Variants in PTPRN observed in about 807,000 individuals in gnomAD.
PTPRN encodes the protein receptor-type tyrosine-protein phosphatase-like N.
A neutral mutation model predicts 108.5 loss-of-function variants in PTPRN; 70 were observed. That is an observed-to-expected ratio of 0.65 (90% CI 0.53 to 0.79). PTPRN has a LOEUF of 0.79. PTPRN is among the 30% of genes least tolerant of loss of function. The pLI, the probability that PTPRN is intolerant of heterozygous loss-of-function variation, is 0.00. For missense variants in PTPRN, 1,136 were observed against 1,295.5 expected (o/e 0.88, Z 1.89); for synonymous variants, 496 against 524.6 (o/e 0.95, Z 0.75).
Position 219,294,885 on chromosome 2 carries a change from C to G in PTPRN, c.2675+90G>C, listed in dbSNP as rs948298698. On this transcript the variant is annotated intron_variant, in intron 19 of 22. Transcript: ENST00000295718. ...AGAAGTCAGAGGCCGAGGCTCCAGG[C>G]CCGACCCGGGGCTCCAGGCCGAGCG... 5 of 1,305,928 alleles carry G rather than the reference C, an allele frequency of 3.8e-6. No homozygotes were observed. The African/African-American group carries it at 4.8e-5, about 12-fold the overall frequency. 80.9% of individuals were successfully genotyped at this position (1,305,928 alleles called of 1,614,324 possible).
At chr2:219,299,502 C>A in intron 10 of PTPRN, 118 bp from the exon 11 acceptor site, 1 of 1,266,946 alleles carries the variant, frequency 7.9e-7, no homozygotes, top group East Asian at 2.4e-5. Flanking sequence ...CGGGGATGCC[C>A]TACAGGGGCA....
rs377344261 is a variant in PTPRN at position 219,308,803 on chromosome 2, G to A, written c.115+415C>T. 2.3e-5 allele frequency: 29 copies of A among 1,279,280 alleles called. No individual in the cohort carries two copies. The East Asian group carries it at 3.3e-4, about 15-fold the overall frequency. The allele number at this position is 1,279,280 out of a possible 1,614,324, so 79.2% of individuals were successfully genotyped here. A position where few individuals can be genotyped will look rare whatever the true frequency, so the allele number is the denominator to read the frequency against. ...GCTGGGACTCTATGTCTGCGGCCCAGGCTTCCACTGCCCAGAGATCACCGT... is the reference window on the plus strand; with the variant it reads ...GCTGGGACTCTATGTCTGCGGCCCAAGCTTCCACTGCCCAGAGATCACCGT... On this transcript the variant is annotated intron_variant, in intron 1 of 22. Transcript: ENST00000295718.
At chr2:219,298,566 C>T (rs746776972) in intron 12 of PTPRN, among the ~76,000 whole-genome samples, 4 of 152,090 alleles carry the variant, frequency 2.6e-5, no homozygotes, top group African/African-American at 7.2e-5. Flanking sequence ...AAAATTTAGC[C>T]GGGTGTGGTG....
In PTPRN at chr2:219,289,966, T is replaced by C. The variant is rs1574906463; in HGVS notation, c.*260A>G. The C allele has an allele frequency of 4.0e-6, 2 of 498,740 alleles. No individual in the cohort carries two copies. The highest frequency in any genetic ancestry group is 7.3e-6 in the Non-Finnish European group (2 of 273,256). The allele number at this position is 498,740 out of a possible 1,614,324, so 30.9% of individuals were successfully genotyped here. On this transcript the variant is annotated 3_prime_UTR_variant, in exon 23 of 23. Transcript: ENST00000295718. Reference sequence around the variant, plus strand: ...AATGTAGGCAGGAGAAGGCTCTGGGTAGAATTGCTACCCATGTCCTTTCCT... The same window carrying C: ...AATGTAGGCAGGAGAAGGCTCTGGGCAGAATTGCTACCCATGTCCTTTCCT...
At chr2:219,295,308 T>C (rs536360524) in intron 18 of PTPRN, 167 bp from the exon 19 acceptor site, 5 of 668,030 alleles carry the variant, frequency 7.5e-6, no homozygotes, top group African/African-American at 3.7e-5. Context: ...CTGTCACTTA[T>C]CTACTGCTCA....
Position 219,309,362 on chromosome 2 carries a change from G to A in PTPRN, c.-30C>T. The stretch of plus-strand genomic sequence containing the variant: ...CCGAGCTCCGGGCGCTCGCTCCCGG[G>A]CCGGAGCCGCAGCGACGCTGGCGGG... On this transcript the variant is annotated 5_prime_UTR_variant, in exon 1 of 23. Coordinates refer to ENST00000295718, the MANE Select transcript of PTPRN (RefSeq NM_002846.4). The A allele has an allele frequency of 4.9e-6, 6 of 1,215,550 alleles. No individual in the cohort carries two copies. The highest frequency in any genetic ancestry group is 6.6e-6 in the Non-Finnish European group (6 of 912,412). 75.3% of individuals were successfully genotyped at this position (1,215,550 alleles called of 1,614,324 possible).
rs560464089 is a variant in PTPRN, at chr2:219,299,158, C to T, written c.1604-47G>A. The T allele has an allele frequency of 1.6e-5, 26 of 1,612,184 alleles. No homozygotes were observed. In the South Asian group the frequency reaches 2.5e-4, roughly 16 times the overall value. On this transcript the variant is annotated intron_variant, in intron 11 of 22. Coordinates refer to ENST00000295718, the MANE Select transcript of PTPRN (RefSeq NM_002846.4). ...GGCTTGCTCCAGCCCCATGTGGTCT[C>T]CATCCTCTGTCTTGCTCTGCCAAGC...
chr2:219,289,933 G>A lies in PTPRN; in HGVS notation c.*293C>T. The A allele has an allele frequency of 2.5e-6, 1 of 406,812 alleles. No individual in the cohort carries two copies. The highest frequency in any genetic ancestry group is 3.0e-5 in the South Asian group (1 of 33,490). The allele number at this position is 406,812 out of a possible 1,614,324, so 25.2% of individuals were successfully genotyped here. ...CCCCAGGAGAGCTACAGGAGAGCCA[G>A]GCCAGGGAATGTAGGCAGGAGAAGG... is the stretch of plus-strand genomic sequence containing the variant. On this transcript the variant is annotated 3_prime_UTR_variant, in exon 23 of 23. Transcript: ENST00000295718.
At position 219,297,321 on chromosome 2, in the gene PTPRN, G is replaced by A; in HGVS notation, c.2000C>T (p.Ala667Val). The A allele has an allele frequency of 6.2e-7, 1 of 1,613,994 alleles. No homozygotes were observed. The highest frequency in any genetic ancestry group is 8.5e-7 in the Non-Finnish European group (1 of 1,180,034). Reference sequence around the variant, plus strand: ...GGTGCTGCTGTGGGAGCTGGGGCTGGCCTGGGCTGCGTCGCTGAACTGGGA... The same window carrying A: ...GGTGCTGCTGTGGGAGCTGGGGCTGACCTGGGCTGCGTCGCTGAACTGGGA... ...VSSQFSDAAQ[A>V]SPSSHSSTPS... The change falls in exon 14 of 23, where the codon GCC becomes GTC. Residue 667 changes from alanine to valine, a missense_variant. Ala to Val is a moderately conservative substitution (Grantham distance 64). Transcript: ENST00000295718. This position sits in a 1 kb window ranked among gnomAD's most constrained non-coding sequence, Gnocchi z 6.0.
Position 219,290,373 on chromosome 2 carries a change from T to A in PTPRN, c.2869-76A>T. 3.4e-5 allele frequency: 28 copies of A among 825,242 alleles called. No homozygotes were observed. The highest frequency in any genetic ancestry group is 4.5e-5 in the Non-Finnish European group (23 of 506,986). 51.1% of individuals were successfully genotyped at this position (825,242 alleles called of 1,614,324 possible). A position where few individuals can be genotyped will look rare whatever the true frequency, so the allele number is the denominator to read the frequency against. On this transcript the variant is annotated intron_variant, in intron 22 of 22. Coordinates refer to ENST00000295718, the MANE Select transcript of PTPRN (RefSeq NM_002846.4). The surrounding 1 kb of genome is among the most constrained non-coding windows in gnomAD (Gnocchi z 4.2). ...TGCCCTCAAGATGGGGGGCTTTTGG[T>A]GGGGGGAGGGCCCTGGGCAGGTCCC...
At chr2:219,300,520 AG>A in intron 8 of PTPRN, 1 of 483,450 alleles carries the variant, frequency 2.1e-6, no homozygotes, top group Non-Finnish European at 3.6e-6. Flanking sequence ...CCCTGCAGCA[AG>A]AGAAGCTGGG....
chr2:219,303,108 A>G (rs1418139256), intron 4 of PTPRN, among the ~76,000 whole-genome samples: 1 of 152,128 alleles, frequency 6.6e-6, no homozygotes, highest in Non-Finnish European at 1.5e-5. Context: ...GAGGCTGGGG[A>G]TGGAGAAGGG....
In PTPRN at chr2:219,302,722, C is replaced by T. The variant is rs748830389; in HGVS notation, c.493G>A (p.Gly165Ser). 12 of 1,613,486 alleles carry T rather than the reference C, an allele frequency of 7.4e-6. No homozygotes were observed. The highest frequency in any genetic ancestry group is 1.7e-5 in the Admixed American group (1 of 59,900). ...AGAGAGGAGCTGGCCCCAGCTCCAC[C>T]TTTGCCCACTGGTGGTTGTGGAAGC... is the stretch of plus-strand genomic sequence containing the variant. ...HRLPQPPVGK[G>S]GAGASSSLSP... Residue 165 changes from glycine (G) to serine (S), a missense_variant, in exon 5 of 23, where the codon GGT (glycine) becomes AGT (serine). Gly to Ser is a moderately conservative substitution (Grantham distance 56). Transcript: ENST00000295718.
intron 19 of PTPRN, 136 bp downstream of exon 19, chr2:219,294,839 T>G (rs2125090077): frequency 2.2e-6 from 2 of 900,300 alleles, no homozygotes; most frequent in South Asian, 4.6e-5. Flanking sequence ...GGTGGGAGCG[T>G]GGGGTCTGGA....
rs765725268 is a variant in PTPRN, at chr2:219,296,422, T to C, written c.2388+17A>G. 6.2e-7 allele frequency: 1 copy of C among 1,614,002 alleles called. No individual in the cohort carries two copies. Among genetic ancestry groups the C allele is most frequent in the Non-Finnish European group, 8.5e-7 (1 of 1,179,938 alleles). ...GGCCACAAGGACCCCAGCGAAGCCC[T>C]CCCTTTAAGAGCCCACCTGCCAGAA... On this transcript the variant is annotated intron_variant, in intron 17 of 22. Coordinates refer to ENST00000295718, the MANE Select transcript of PTPRN (RefSeq NM_002846.4). The surrounding 1 kb of genome is among the most constrained non-coding windows in gnomAD (Gnocchi z 6.0).
Position 219,295,154 on chromosome 2 carries a change from G to A in PTPRN, c.2509-13C>T, listed in dbSNP as rs757920147. 2 of 1,603,090 alleles carry A rather than the reference G, an allele frequency of 1.2e-6. No homozygotes were observed. The highest frequency in any genetic ancestry group is 1.7e-4 in the Middle Eastern group (1 of 5,796). The stretch of plus-strand genomic sequence containing the variant: ...ACACCAGGTTCACCTGCCCGGCAGG[G>A]GCCCAGGCCTGAGCGCCGCGGGCTG... On this transcript the variant is annotated splice_polypyrimidine_tract_variant and intron_variant, in intron 18 of 22. Coordinates refer to ENST00000295718, the MANE Select transcript of PTPRN (RefSeq NM_002846.4).
chr2:219,302,980 A>T, intron 4 of PTPRN, 143 bp from the exon 5 acceptor site: 13 of 590,658 alleles, frequency 2.2e-5, no homozygotes, highest in East Asian at 5.4e-5. Flanking sequence ...TCAGGGGAAG[A>T]GAGATGGGCT....
chr2:219,302,521 C>G, intron 5 of PTPRN, 30 bp from the exon 6 acceptor site: 4 of 1,613,834 alleles, frequency 2.5e-6, no homozygotes, highest in African/African-American at 1.3e-5. Flanking sequence ...TGGGTAAGAG[C>G]AGAAGTCCGG....
In PTPRN at chr2:219,290,010, C is replaced by A. The variant is rs17847403; in HGVS notation, c.*216G>T. ...CTTTCCTCTCCTCCTGGCTGCAGCA[C>A]CCCCATGGGATGCCCTGGGCTCTGG... is the stretch of plus-strand genomic sequence containing the variant. On this transcript the variant is annotated 3_prime_UTR_variant, in exon 23 of 23. Transcript: ENST00000295718. The surrounding 1 kb of genome is among the most constrained non-coding windows in gnomAD (Gnocchi z 4.2). The A allele has an allele frequency of 1.2e-4, 70 of 580,996 alleles. No homozygotes were observed. In the East Asian group the frequency reaches 2.0e-3, roughly 17 times the overall value. The allele number at this position is 580,996 out of a possible 1,614,324, so 36.0% of individuals were successfully genotyped here.
Sources: allele counts gnomAD v4.1 joint callset (sites outside exome capture counted in the v4.1 genomes callset), GRCh38; gene constraint gnomAD v4.1.1; non-coding constraint Gnocchi (gnomAD v3.1); transcripts MANE v1.5; gene names NCBI Gene and HGNC (gene_info 2026-07-23, HGNC 2026-07-21).